The following MACROD2 variants were observed in gnomAD, a reference collection of about 807,000 sequenced individuals.
MACROD2 encodes ADP-ribose glycohydrolase MACROD2.
In MACROD2, 36 loss-of-function variants were observed where a neutral mutation model predicts 70.4. That is an observed-to-expected ratio of 0.51 (90% CI 0.39 to 0.68). The LOEUF (loss-of-function observed/expected upper bound fraction) is 0.68. Among genes scored for constraint, MACROD2 ranks in the 30% least tolerant of loss-of-function variants. MACROD2 has a pLI of 0.00. For missense variants in MACROD2, 496 were observed against 538.4 expected (o/e 0.92, Z 0.78); for synonymous variants, 172 against 178.8 (o/e 0.96, Z 0.30).
chr20:15,937,462 T>G lies in MACROD2; in HGVS notation c.839-14T>G. 6.2e-7 allele frequency: 1 copy of G among 1,612,950 alleles called. No individual in the cohort carries two copies. The highest frequency in any genetic ancestry group is 1.1e-5 in the South Asian group (1 of 91,070). ...GGATGAACTCTGAGGCAGTGTTTCT[T>G]TTCTGCTTTATAGATGGTGTCAACA... On this transcript the variant is annotated splice_polypyrimidine_tract_variant and intron_variant, in intron 11 of 17. Coordinates refer to ENST00000684519, the MANE Select transcript of MACROD2 (RefSeq NM_001351661.2).
chr20:14,595,967 G>C (rs1265889540), intron 4 of MACROD2, among the ~76,000 whole-genome samples: 1 of 152,050 alleles, frequency 6.6e-6, no homozygotes, highest in African/African-American at 2.4e-5. Context: ...CTGTCTTCTT[G>C]TAAATTTCCC....
Position 14,517,830 on chromosome 20 carries a change from T to G in MACROD2, c.301+24322T>G, listed in dbSNP as rs116867954. ...AATGCAGCTTTCATGATGTATTCTA[T>G]CCTTTTCTGGTATATATTTTCTGGG... On this transcript the variant is annotated intron_variant, in intron 4 of 17. Transcript: ENST00000684519. Among the ~76,000 whole-genome samples, 778 of 152,294 alleles carry G rather than the reference T, an allele frequency of 5.1e-3. 4 individuals are homozygous for G. The highest frequency in any genetic ancestry group is 6.4e-3 in the Non-Finnish European group (435 of 68,024).
chr20:16,042,680 A>G (rs1454480800), intron 16 of MACROD2, among the ~76,000 whole-genome samples: 1 of 152,054 alleles, frequency 6.6e-6, no homozygotes, highest in African/African-American at 2.4e-5. Flanking sequence ...ACACTCCCAC[A>G]CTGAGAAGGG....
At chr20:14,651,185 A>G (rs993309359) in intron 4 of MACROD2, among the ~76,000 whole-genome samples, 4 of 152,236 alleles carry the variant, frequency 2.6e-5, no homozygotes, top group African/African-American at 9.6e-5. Context: ...AGACAGGGAC[A>G]GCGTATGCTG....
At chr20:14,832,321 G>A (rs1327062356) in intron 5 of MACROD2, among the ~76,000 whole-genome samples, 4 of 151,990 alleles carry the variant, frequency 2.6e-5, no homozygotes, top group Non-Finnish European at 5.9e-5. Context: ...AACAGTGTCA[G>A]AAGCCAACCA....
chr20:15,706,147 A>G (rs2050528652), intron 8 of MACROD2, among the ~76,000 whole-genome samples: 1 of 152,248 alleles, frequency 6.6e-6, no homozygotes, highest in South Asian at 2.1e-4. Flanking sequence ...AAGGATACTT[A>G]TCTCGTTTAC....
chr20:14,963,780 T>C (rs567928556), intron 5 of MACROD2, among the ~76,000 whole-genome samples: 1 of 152,318 alleles, frequency 6.6e-6, no homozygotes, highest in Non-Finnish European at 1.5e-5. Context: ...GATCAATCTC[T>C]TTTTGTTTCT....
At chr20:15,572,815 A>G (rs2048393204) in intron 8 of MACROD2, among the ~76,000 whole-genome samples, 1 of 152,140 alleles carries the variant, frequency 6.6e-6, no homozygotes, top group Non-Finnish European at 1.5e-5. Flanking sequence ...TATCAAAGTG[A>G]CATGCAAAGC....
rs569171628 is a variant in MACROD2 at position 14,050,253 on chromosome 20, T to A, written c.164-35368T>A. Among the ~76,000 whole-genome samples the A allele has an allele frequency of 3.3e-5, 5 of 152,260 alleles. No homozygotes were observed. In the East Asian group the frequency reaches 9.7e-4, roughly 29 times the overall value. On this transcript the variant is annotated intron_variant, in intron 2 of 17. Coordinates refer to ENST00000684519, the MANE Select transcript of MACROD2 (RefSeq NM_001351661.2). ...TCTGGAGAAGGCTTCTGGTTGGGAT[T>A]GGAAAGAGCCTGAGAACTCTATCAA...
At position 14,439,240 on chromosome 20, in the gene MACROD2, T is replaced by C. The variant is rs149444760; in HGVS notation, c.272-54239T>C. On this transcript the variant is annotated intron_variant, in intron 3 of 17. Transcript: ENST00000684519. ...AGTTCGGGTTTACTTTTGAGCTCTC[T>C]ACTCTGTTCTCTGTGTCTCTTTTTT... Among the ~76,000 whole-genome samples the C allele has an allele frequency of 3.5e-4, 53 of 152,300 alleles. No individual in the cohort carries two copies. The East Asian group carries it at 0.01, about 29-fold the overall frequency.
intron 8 of MACROD2, among the ~76,000 whole-genome samples, chr20:15,648,138 A>G (rs1250631308): frequency 6.6e-6 from 1 of 152,226 alleles, no homozygotes; most frequent in Admixed American, 6.5e-5. Context: ...AGGGAAGTGC[A>G]CTGAGGAGAT....
At chr20:14,623,166 C>A (rs896494328) in intron 4 of MACROD2, among the ~76,000 whole-genome samples, 2 of 152,078 alleles carry the variant, frequency 1.3e-5, no homozygotes, top group Non-Finnish European at 1.5e-5. Context: ...TGTGTTACAA[C>A]TGAATTACAG....
chr20:14,412,811 G>A (rs1190921448), intron 3 of MACROD2, among the ~76,000 whole-genome samples: 1 of 152,218 alleles, frequency 6.6e-6, no homozygotes, highest in Non-Finnish European at 1.5e-5. Context: ...TCTGAGGGAT[G>A]TGGTATCCTG....
chr20:14,900,241 A>G (rs771191491), intron 5 of MACROD2, among the ~76,000 whole-genome samples: 12 of 152,122 alleles, frequency 7.9e-5, no homozygotes, highest in Admixed American at 2.0e-4. Context: ...CTTTTCACCT[A>G]TATTCATAGG....
intron 8 of MACROD2, among the ~76,000 whole-genome samples, chr20:15,799,462 C>T (rs975281140): frequency 6.6e-6 from 1 of 152,160 alleles, no homozygotes; most frequent in Non-Finnish European, 1.5e-5. Flanking sequence ...CCCACACTTT[C>T]CAGCCTCTGG....
At chr20:14,812,990 G>A (rs2072732570) in intron 5 of MACROD2, among the ~76,000 whole-genome samples, 1 of 152,016 alleles carries the variant, frequency 6.6e-6, no homozygotes, top group African/African-American at 2.4e-5. Context: ...ATTTGCTGGA[G>A]TGGCTCACAG....
chr20:15,956,665 G>A (rs539175624), intron 12 of MACROD2, among the ~76,000 whole-genome samples: 30 of 152,330 alleles, frequency 2.0e-4, no homozygotes, highest in African/African-American at 7.2e-4. Context: ...AGCAGCAGCG[G>A]TGTCATCTGG....
chr20:14,837,158 C>A (rs1235035530), intron 5 of MACROD2, among the ~76,000 whole-genome samples: 2 of 151,826 alleles, frequency 1.3e-5, no homozygotes, highest in East Asian at 3.9e-4. Context: ...ATTATGTATG[C>A]ATAATAAATA....
intron 3 of MACROD2, among the ~76,000 whole-genome samples, chr20:14,441,846 C>CT (rs938202366): frequency 1.3e-5 from 2 of 151,508 alleles, no homozygotes; most frequent in African/African-American, 4.9e-5. Flanking sequence ...TGAGAGTGTG[C>CT]TGTTACAATG....
Sources: allele counts gnomAD v4.1 joint callset (sites outside exome capture counted in the v4.1 genomes callset), GRCh38; gene constraint gnomAD v4.1.1; transcripts MANE v1.5; gene names NCBI Gene and HGNC (gene_info 2026-07-23, HGNC 2026-07-21).